Variants in ARHGAP35 observed in about 807,000 individuals in gnomAD.
The protein encoded by ARHGAP35 is Rho GTPase activating protein 35.
ARHGAP35 carries 15 observed loss-of-function variants against 111.1 expected under a neutral mutation model. That is an observed-to-expected ratio of 0.13 (90% confidence interval 0.09 to 0.21). ARHGAP35 has a LOEUF of 0.21. Ranked by LOEUF, ARHGAP35 falls within the 10% of genes least tolerant of loss-of-function variation. The pLI is 1.00. For synonymous variants in ARHGAP35, 643 were observed against 710.3 expected (o/e 0.91, Z 1.51); for missense variants, 1,262 against 1,873.0 (o/e 0.67, Z 6.02).
At chr19:46,883,397 G>A (rs1021624770) in intron 1 of ARHGAP35, among the ~76,000 whole-genome samples, 14 of 152,056 alleles carry the variant, frequency 9.2e-5, no homozygotes, top group East Asian at 1.9e-4. Flanking sequence ...CACTGTGCCC[G>A]GCCAATTGGC....
chr19:46,891,521 G>A (rs1486438036), intron 1 of ARHGAP35, among the ~76,000 whole-genome samples: 1 of 151,822 alleles, frequency 6.6e-6, no homozygotes, highest in Non-Finnish European at 1.5e-5. Flanking sequence ...CCGCCTCCCG[G>A]GTTCAAGCGA....
intron 2 of ARHGAP35, among the ~76,000 whole-genome samples, chr19:46,923,647 C>T (rs763965898): frequency 2.0e-4 from 30 of 151,732 alleles, no homozygotes; most frequent in Non-Finnish European, 3.8e-4. Context: ...GGCCAGGCGC[C>T]GTGGCTCACG....
At chr19:46,865,761 C>A (rs1388009104) in intron 1 of ARHGAP35, among the ~76,000 whole-genome samples, 1 of 152,236 alleles carries the variant, frequency 6.6e-6, no homozygotes, top group African/African-American at 2.4e-5. Context: ...TGTTAGGCCG[C>A]TTGCAGCGTC....
intron 2 of ARHGAP35, among the ~76,000 whole-genome samples, chr19:46,936,996 C>T (rs751433155): frequency 5.9e-5 from 9 of 151,988 alleles, no homozygotes; most frequent in African/African-American, 1.7e-4. Context: ...CCCACCACTA[C>T]GCCTGGCTAA....
intron 3 of ARHGAP35, among the ~76,000 whole-genome samples, chr19:46,949,389 C>T (rs1043673203): frequency 6.6e-6 from 1 of 152,186 alleles, no homozygotes; most frequent in East Asian, 1.9e-4. Flanking sequence ...GTATTACCAC[C>T]TTACCAAAGT....
intron 1 of ARHGAP35, among the ~76,000 whole-genome samples, chr19:46,875,962 G>A (rs1013406484): frequency 1.8e-4 from 28 of 152,088 alleles, no homozygotes; most frequent in Admixed American, 5.2e-4. Flanking sequence ...GTCCACATTT[G>A]TGGAGGCCTC....
chr19:46,912,360 T>A (rs1285821422), intron 1 of ARHGAP35, among the ~76,000 whole-genome samples: 1 of 150,410 alleles, frequency 6.6e-6, no homozygotes, highest in African/African-American at 2.5e-5. Context: ...CTCTTCCTTT[T>A]TTTTTTTCTT....
chr19:46,861,410 C>T (rs1364609738), intron 1 of ARHGAP35, among the ~76,000 whole-genome samples: 2 of 149,426 alleles, frequency 1.3e-5, no homozygotes, highest in East Asian at 2.0e-4. Flanking sequence ...CCCGTGGGGC[C>T]CTCCTGCCCT....
chr19:46,941,355 A>T (rs1447392205), intron 3 of ARHGAP35, among the ~76,000 whole-genome samples: 1 of 151,938 alleles, frequency 6.6e-6, no homozygotes, highest in African/African-American at 2.4e-5. Flanking sequence ...TGAAAACAGG[A>T]TTCTCTGTTC....
intron 1 of ARHGAP35, among the ~76,000 whole-genome samples, chr19:46,902,369 A>C (rs1015909263): frequency 1.3e-4 from 20 of 152,298 alleles, no homozygotes; most frequent in Non-Finnish European, 2.6e-4. Flanking sequence ...ATTAGAAGCA[A>C]TCATATATAA....
At chr19:46,867,124 T>G (rs1439634287) in intron 1 of ARHGAP35, among the ~76,000 whole-genome samples, 1 of 152,258 alleles carries the variant, frequency 6.6e-6, no homozygotes, top group African/African-American at 2.4e-5. Context: ...AGAAATGCCA[T>G]TAAGTTGATA....
chr19:46,861,041 A>G lies in ARHGAP35; in HGVS notation c.-357A>G, dbSNP rs1445360792. Among the ~76,000 whole-genome samples, 2 of 144,644 alleles carry G rather than the reference A, an allele frequency of 1.4e-5. No homozygotes were observed. The highest frequency in any genetic ancestry group is 1.4e-4 in the Admixed American group (2 of 14,738). 94.9% of individuals were successfully genotyped at this position (144,644 alleles called of 152,430 possible). On this transcript the variant is annotated 5_prime_UTR_variant, in exon 1 of 7. Transcript: ENST00000672722. Reference sequence around the variant, plus strand: ...GCGCGGCGGCAGGAGGAGGTGGAGGAGGCGGAGGAGGGAACCCGCGAGGGA... The same window carrying G: ...GCGCGGCGGCAGGAGGAGGTGGAGGGGGCGGAGGAGGGAACCCGCGAGGGA...
chr19:46,913,059 T>G (rs2056146607), intron 1 of ARHGAP35, among the ~76,000 whole-genome samples: 1 of 151,874 alleles, frequency 6.6e-6, no homozygotes, highest in South Asian at 2.1e-4. Context: ...ATTATTTCCT[T>G]ACAGTGTTAC....
intron 1 of ARHGAP35, among the ~76,000 whole-genome samples, chr19:46,902,049 G>T (rs2056085534): frequency 6.6e-6 from 1 of 152,124 alleles, no homozygotes; most frequent in Non-Finnish European, 1.5e-5. Flanking sequence ...ACTGTAAGTG[G>T]CTTTTTAAAC....
At chr19:46,941,762 G>A (rs1044520107) in intron 3 of ARHGAP35, among the ~76,000 whole-genome samples, 5 of 148,566 alleles carry the variant, frequency 3.4e-5, no homozygotes, top group African/African-American at 1.2e-4. Flanking sequence ...GTCTCACTAT[G>A]TTGCCCAGGC....
At chr19:46,893,250 G>A (rs1322031304) in intron 1 of ARHGAP35, among the ~76,000 whole-genome samples, 2 of 152,156 alleles carry the variant, frequency 1.3e-5, no homozygotes, top group African/African-American at 4.8e-5. Flanking sequence ...TGGGGAACAG[G>A]TAGCCAGCCA....
intron 3 of ARHGAP35, among the ~76,000 whole-genome samples, chr19:46,978,705 A>ATATG (rs1568485641): frequency 5.4e-3 from 117 of 21,572 alleles, no homozygotes; most frequent in African/African-American, 0.02. Context: ...GTGGTGGGGC[A>ATATG]TGTGTGTGGT....
intron 3 of ARHGAP35, among the ~76,000 whole-genome samples, chr19:46,983,857 C>T (rs535454233): frequency 4.6e-5 from 7 of 151,980 alleles, no homozygotes; most frequent in African/African-American, 7.2e-5. Context: ...CCTCGTGATT[C>T]GCCCGCCTCG....
intron 1 of ARHGAP35, among the ~76,000 whole-genome samples, chr19:46,910,762 T>A (rs1053828008): frequency 6.6e-6 from 1 of 152,068 alleles, no homozygotes; most frequent in African/African-American, 2.4e-5. Flanking sequence ...GCTAATTTTT[T>A]GTATTTTTTG....
Sources: gnomAD v4.1 joint callset for allele counts (sites outside exome capture counted in the v4.1 genomes callset) on GRCh38, gnomAD v4.1.1 for gene constraint, MANE v1.5 for transcripts, NCBI Gene and HGNC (gene_info 2026-07-23, HGNC 2026-07-21) for gene names.